GRID2: variants seen among roughly 807,000 people sequenced by gnomAD.
GRID2 encodes the protein glutamate ionotropic receptor delta type subunit 2, also known as glutamate receptor ionotropic, delta-2.
A neutral mutation model predicts 114.8 loss-of-function variants in GRID2; 33 were observed. The observed-to-expected ratio is 0.29, with a 90% CI of 0.22 to 0.38. The LOEUF (loss-of-function observed/expected upper bound fraction) is 0.38. Among genes scored for constraint, GRID2 ranks in the 10% least tolerant of loss-of-function variants. GRID2 has a pLI of 1.00. For missense variants in GRID2, 1,184 were observed against 1,257.7 expected (o/e 0.94, Z 0.89); for synonymous variants, 505 against 449.9 (o/e 1.12, Z -1.55).
At chr4:92,444,725 C>T (rs1733355839) in intron 1 of GRID2, among the ~76,000 whole-genome samples, 1 of 152,120 alleles carries the variant, frequency 6.6e-6, no homozygotes, top group South Asian at 2.1e-4. Flanking sequence ...ACAGAAGTCT[C>T]TGCTGCAACA....
chr4:92,534,509 T>C (rs1307232111), intron 1 of GRID2, among the ~76,000 whole-genome samples: 1 of 152,192 alleles, frequency 6.6e-6, no homozygotes, highest in Non-Finnish European at 1.5e-5. Context: ...GTTTAAATAC[T>C]GAACAAGTCA....
At chr4:93,060,630 T>C (rs1727694224) in intron 2 of GRID2, among the ~76,000 whole-genome samples, 1 of 152,176 alleles carries the variant, frequency 6.6e-6, no homozygotes. Flanking sequence ...ATTAGATCAT[T>C]CTTAATTCTA....
At chr4:93,151,784 A>AG (rs1417854379) in intron 4 of GRID2, among the ~76,000 whole-genome samples, 1 of 152,160 alleles carries the variant, frequency 6.6e-6, no homozygotes, top group East Asian at 1.9e-4. Flanking sequence ...TGGAGAAAAA[A>AG]TGATTTTCAT....
chr4:93,010,463 T>A (rs1333326346), intron 2 of GRID2, among the ~76,000 whole-genome samples: 7 of 152,020 alleles, frequency 4.6e-5, no homozygotes, highest in African/African-American at 1.4e-4. Context: ...AGAGCTGCAC[T>A]GGGGAAGGTA....
intron 2 of GRID2, among the ~76,000 whole-genome samples, chr4:92,895,937 T>G (rs1270540694): frequency 6.6e-6 from 1 of 152,126 alleles, no homozygotes; most frequent in African/African-American, 2.4e-5. Context: ...ATTATACAAC[T>G]CCCCTGTTGT....
rs1052577806 is a variant in GRID2, at chr4:92,757,234, A to T, written c.244+166948A>T. The stretch of plus-strand genomic sequence containing the variant: ...ATTATTAAGATTTTGCATGGAGAAT[A>T]CATTGTGGAGGCCACTTGTTTTCAC... On this transcript the variant is annotated intron_variant, in intron 2 of 15. Transcript: ENST00000282020. Among the ~76,000 whole-genome samples, 6 of 152,220 alleles carry T rather than the reference A, an allele frequency of 3.9e-5. No individual in the cohort carries two copies. The South Asian group carries it at 1.2e-3, about 31-fold the overall frequency.
At chr4:92,618,224 T>C (rs973951970) in intron 2 of GRID2, among the ~76,000 whole-genome samples, 2 of 151,796 alleles carry the variant, frequency 1.3e-5, no homozygotes, top group African/African-American at 4.8e-5. Flanking sequence ...TTTTTCTGCC[T>C]ATGGATATCC....
chr4:93,168,855 T>G (rs1579176998), intron 4 of GRID2, among the ~76,000 whole-genome samples: 1 of 152,158 alleles, frequency 6.6e-6, no homozygotes, highest in East Asian at 1.9e-4. Flanking sequence ...ACTGAAAATG[T>G]GGTCCATTTG....
rs188471238 is a variant in GRID2 at position 92,965,365 on chromosome 4, G to A, written c.245-119630G>A. 2.7e-4 allele frequency among the ~76,000 whole-genome samples: 38 copies of A among 142,824 alleles called. No individual in the cohort carries two copies. In the East Asian group the frequency reaches 7.8e-3, roughly 29 times the overall value. 93.7% of individuals were successfully genotyped at this position (142,824 alleles called of 152,430 possible). A position where few individuals can be genotyped will look rare whatever the true frequency, so the allele number is the denominator to read the frequency against. On this transcript the variant is annotated intron_variant, in intron 2 of 15. Coordinates refer to ENST00000282020, the MANE Select transcript of GRID2 (RefSeq NM_001510.4). ...TTGAGAATTACCAAAGTGTGACACA[G>A]AGACATAAAAAGTAAGCACTTGCTG...
At chr4:92,378,162 A>AGT (rs1729443939) in intron 1 of GRID2, among the ~76,000 whole-genome samples, 1 of 152,094 alleles carries the variant, frequency 6.6e-6, no homozygotes, top group Non-Finnish European at 1.5e-5. Flanking sequence ...TCCAAGGTAA[A>AGT]GTACTTAATT....
intron 4 of GRID2, among the ~76,000 whole-genome samples, chr4:93,122,177 C>A (rs1733838271): frequency 6.6e-6 from 1 of 152,112 alleles, no homozygotes. Context: ...ACTCCAAAAT[C>A]ATGAAGATCT....
chr4:93,263,084 C>A (rs1750431910), intron 8 of GRID2, among the ~76,000 whole-genome samples: 1 of 151,762 alleles, frequency 6.6e-6, no homozygotes, highest in African/African-American at 2.4e-5. Context: ...ATTCATTTTT[C>A]TCTTTTATTT....
intron 8 of GRID2, among the ~76,000 whole-genome samples, chr4:93,359,017 A>T (rs538549464): frequency 3.6e-4 from 55 of 152,192 alleles, no homozygotes; most frequent in Non-Finnish European, 7.4e-4. Context: ...GGTTGATGGG[A>T]TGTTCTGCTG....
intron 4 of GRID2, among the ~76,000 whole-genome samples, chr4:93,111,365 T>C (rs1052719337): frequency 8.5e-5 from 13 of 152,198 alleles, no homozygotes; most frequent in African/African-American, 3.1e-4. Context: ...CTAAACATGA[T>C]TACTGTTACA....
intron 2 of GRID2, among the ~76,000 whole-genome samples, chr4:93,030,783 A>G (rs1396034982): frequency 6.6e-6 from 1 of 151,998 alleles, no homozygotes; most frequent in Non-Finnish European, 1.5e-5. Flanking sequence ...TTAAACAGAA[A>G]CAAGGAGAGG....
intron 14 of GRID2, among the ~76,000 whole-genome samples, chr4:93,636,708 C>T (rs988796733): frequency 3.3e-5 from 5 of 152,124 alleles, no homozygotes; most frequent in Admixed American, 6.5e-5. Flanking sequence ...TGGGAATAAA[C>T]GTGTGGGCTT....
chr4:93,409,471 G>T (rs1766884306), intron 9 of GRID2, among the ~76,000 whole-genome samples: 1 of 152,142 alleles, frequency 6.6e-6, no homozygotes, highest in Admixed American at 6.6e-5. Flanking sequence ...CTAAAACTGT[G>T]ATTCCTTCAA....
At chr4:92,631,159 T>A (rs189707438) in intron 2 of GRID2, among the ~76,000 whole-genome samples, 3 of 152,100 alleles carry the variant, frequency 2.0e-5, no homozygotes, top group African/African-American at 7.2e-5. Flanking sequence ...GTCAACATAA[T>A]AAAAATCATG....
At chr4:93,341,675 A>T (rs1759671046) in intron 8 of GRID2, among the ~76,000 whole-genome samples, 1 of 152,080 alleles carries the variant, frequency 6.6e-6, no homozygotes, top group African/African-American at 2.4e-5. Flanking sequence ...TTCATCCTGA[A>T]ACTCAACATG....
Sources: gnomAD v4.1 joint callset for allele counts (sites outside exome capture counted in the v4.1 genomes callset) on GRCh38, gnomAD v4.1.1 for gene constraint, MANE v1.5 for transcripts, NCBI Gene and HGNC (gene_info 2026-07-23, HGNC 2026-07-21) for gene names.